Variants in GRID2 observed in about 807,000 individuals in gnomAD.
The protein encoded by GRID2 is glutamate receptor ionotropic, delta-2.
Under a neutral mutation model 114.8 loss-of-function variants are expected in GRID2, and 33 were observed. The ratio of observed to expected loss-of-function variants is 0.29; its 90% CI spans 0.22 to 0.38. The LOEUF (loss-of-function observed/expected upper bound fraction) is 0.38, where lower values mean the gene tolerates loss of function less well. Among genes scored for constraint, GRID2 ranks in the 10% least tolerant of loss-of-function variants. The pLI is 1.00. For missense variants in GRID2, 1,184 were observed against 1,257.7 expected (o/e 0.94, Z 0.89); for synonymous variants, 505 against 449.9 (o/e 1.12, Z -1.55).
intron 2 of GRID2, among the ~76,000 whole-genome samples, chr4:93,039,222 A>G (rs922123187): frequency 1.3e-5 from 2 of 152,120 alleles, no homozygotes; most frequent in Non-Finnish European, 2.9e-5. Context: ...ACAGGAACAG[A>G]AAACCAAACA....
In GRID2 at chr4:92,669,961, T is replaced by G. The variant is rs982818565; in HGVS notation, c.244+79675T>G. ...GTACTGTAGGTAATTGAGCTATTCC[T>G]CATTATGCCGGCCTTGATTTGCAAA... On this transcript the variant is annotated intron_variant, in intron 2 of 15. Coordinates refer to ENST00000282020, the MANE Select transcript of GRID2 (RefSeq NM_001510.4). Among the ~76,000 whole-genome samples, 5 of 152,154 alleles carry G rather than the reference T, an allele frequency of 3.3e-5. No individual in the cohort carries two copies. The East Asian group carries it at 9.7e-4, about 29-fold the overall frequency.
At chr4:93,576,775 A>G (rs17355116) in intron 13 of GRID2, among the ~76,000 whole-genome samples, 34,565 of 151,900 alleles carry the variant, frequency 0.23, 4,246 homozygotes, top group Middle Eastern at 0.34. Context: ...TATGCTTTCC[A>G]GAAGAAAAGG....
At chr4:93,028,007 A>G (rs1724037890) in intron 2 of GRID2, among the ~76,000 whole-genome samples, 1 of 152,148 alleles carries the variant, frequency 6.6e-6, no homozygotes, top group Admixed American at 6.6e-5. Flanking sequence ...ACATAAATCC[A>G]TTATAGTATC....
At chr4:93,425,431 A>G (rs891656456) in intron 10 of GRID2, among the ~76,000 whole-genome samples, 3 of 152,172 alleles carry the variant, frequency 2.0e-5, no homozygotes, top group African/African-American at 7.2e-5. Flanking sequence ...TCTAAGATAT[A>G]ACCTTCTGGA....
chr4:93,734,401 C>T (rs931568472), intron 14 of GRID2, among the ~76,000 whole-genome samples: 1 of 151,892 alleles, frequency 6.6e-6, no homozygotes. Flanking sequence ...TAAGATAAAA[C>T]AAGTTGAACT....
At chr4:93,083,479 A>T (rs1237271490) in intron 2 of GRID2, among the ~76,000 whole-genome samples, 3 of 151,780 alleles carry the variant, frequency 2.0e-5, no homozygotes, top group Non-Finnish European at 4.4e-5. Flanking sequence ...GGATCACAAC[A>T]TCAGGAGTTC....
intron 11 of GRID2, among the ~76,000 whole-genome samples, chr4:93,470,813 AT>A (rs1724730331): frequency 6.6e-6 from 1 of 152,130 alleles, no homozygotes; most frequent in Admixed American, 6.5e-5. Context: ...ATATATTCTT[AT>A]CAATTTATTT....
intron 13 of GRID2, among the ~76,000 whole-genome samples, chr4:93,591,693 T>C: frequency 6.6e-6 from 1 of 152,070 alleles, no homozygotes; most frequent in Non-Finnish European, 1.5e-5. Context: ...TCCTGGACTC[T>C]TTTTGGTTGG....
intron 1 of GRID2, among the ~76,000 whole-genome samples, chr4:92,426,984 G>A (rs1441750805): frequency 2.0e-5 from 3 of 152,056 alleles, no homozygotes; most frequent in Non-Finnish European, 4.4e-5. Flanking sequence ...TTGACCAATG[G>A]TATCAAAATC....
At chr4:93,155,669 A>G (rs531907818) in intron 4 of GRID2, among the ~76,000 whole-genome samples, 208 of 152,008 alleles carry the variant, frequency 1.4e-3, no homozygotes, top group African/African-American at 4.7e-3. Context: ...CTGGAGATAC[A>G]TGTACAAATA....
In GRID2 at chr4:92,635,624, G is replaced by A. The variant is rs191702844; in HGVS notation, c.244+45338G>A. On this transcript the variant is annotated intron_variant, in intron 2 of 15. Coordinates refer to ENST00000282020, the MANE Select transcript of GRID2 (RefSeq NM_001510.4). The stretch of plus-strand genomic sequence containing the variant: ...TCTATACCTTTAGGAAAGAAAATAC[G>A]TTGAAAACTTTTATATAATCTCCAG... 3.1e-3 allele frequency among the ~76,000 whole-genome samples: 470 copies of A among 152,026 alleles called. 2 individuals are homozygous for A. The highest frequency in any genetic ancestry group is 0.011 in the African/African-American group (447 of 41,496).
chr4:92,533,669 T>C (rs1725466294), intron 1 of GRID2, among the ~76,000 whole-genome samples: 1 of 152,152 alleles, frequency 6.6e-6, no homozygotes, highest in Non-Finnish European at 1.5e-5. Context: ...CATATGAAGA[T>C]GGAATATTTT....
chr4:93,328,027 G>T (rs1758024735), intron 8 of GRID2, among the ~76,000 whole-genome samples: 1 of 151,708 alleles, frequency 6.6e-6, no homozygotes, highest in Non-Finnish European at 1.5e-5. Flanking sequence ...TTTAAAACGT[G>T]TCCTGGCCGG....
chr4:92,433,404 C>T (rs1265748484), intron 1 of GRID2, among the ~76,000 whole-genome samples: 1 of 152,214 alleles, frequency 6.6e-6, no homozygotes. Context: ...AATGGCGGTG[C>T]TTGCCAGAAC....
chr4:93,414,255 C>T (rs1767487634), intron 9 of GRID2, among the ~76,000 whole-genome samples: 1 of 152,174 alleles, frequency 6.6e-6, no homozygotes, highest in African/African-American at 2.4e-5. Context: ...AGCTTCTTCA[C>T]TTGCCTCTTC....
chr4:93,400,143 T>A lies in GRID2; in HGVS notation c.1347+4435T>A, dbSNP rs1905734. On this transcript the variant is annotated intron_variant, in intron 9 of 15. Transcript: ENST00000282020. ...ATGTCCTTAGCCACTCTGATAATCT[T>A]CCTTCTGAATCAGAATGGACTCATG... Among the ~76,000 whole-genome samples the A allele has an allele frequency of 2.2e-3, 329 of 152,000 alleles. 2 individuals are homozygous for A. The highest frequency in any genetic ancestry group is 7.4e-3 in the African/African-American group (308 of 41,438).
At chr4:93,396,614 C>T (rs757491191) in intron 9 of GRID2, among the ~76,000 whole-genome samples, 1 of 151,712 alleles carries the variant, frequency 6.6e-6, no homozygotes, top group Non-Finnish European at 1.5e-5. Context: ...GAGGAGTAAC[C>T]GAAACTGGTG....
chr4:92,722,708 G>C (rs1224629855), intron 2 of GRID2, among the ~76,000 whole-genome samples: 4 of 152,010 alleles, frequency 2.6e-5, no homozygotes, highest in African/African-American at 7.2e-5. Context: ...TATTAATTTG[G>C]AAAAATAACA....
intron 1 of GRID2, among the ~76,000 whole-genome samples, chr4:92,526,062 A>G (rs1725028100): frequency 6.6e-6 from 1 of 152,028 alleles, no homozygotes; most frequent in African/African-American, 2.4e-5. Context: ...TATCATTTAT[A>G]GATACTACAG....
Sources: allele counts gnomAD v4.1 joint callset (sites outside exome capture counted in the v4.1 genomes callset), GRCh38; gene constraint gnomAD v4.1.1; transcripts MANE v1.5; gene names NCBI Gene and HGNC (gene_info 2026-07-23, HGNC 2026-07-21).